The following GALNT13 variants were observed in gnomAD, a reference collection of about 807,000 sequenced individuals.
The protein encoded by GALNT13 is polypeptide N-acetylgalactosaminyltransferase 13, also known as UDP-GalNAc:polypeptide N-acetylgalactosaminyltransferase 13.
Under a neutral mutation model 64.2 loss-of-function variants are expected in GALNT13, and 28 were observed. That is an observed-to-expected ratio of 0.44 (90% CI 0.32 to 0.60). The LOEUF (loss-of-function observed/expected upper bound fraction) is 0.60. GALNT13 is among the 20% of genes least tolerant of loss of function. The pLI, the probability that GALNT13 is intolerant of heterozygous loss-of-function variation, is 0.05. For missense variants in GALNT13, 577 were observed against 669.8 expected, an observed-to-expected ratio of 0.86 and a Z score of 1.53; for synonymous variants, 214 against 224.6, an observed-to-expected ratio of 0.95 and a Z score of 0.42.
intron 9 of GALNT13, among the ~76,000 whole-genome samples, chr2:154,328,977 C>A (rs992645269): frequency 6.6e-6 from 1 of 152,018 alleles, no homozygotes; most frequent in Non-Finnish European, 1.5e-5. Context: ...CTCACAATTT[C>A]GTTCATGTTT....
the GALNT13 span, among the ~76,000 whole-genome samples, chr2:153,542,172 T>G: frequency 9.5e-4 from 144 of 151,938 alleles, no homozygotes; most frequent in South Asian, 1.9e-3. Flanking sequence ...ACAAAAAAAT[T>G]AGCCAGTCGT....
At chr2:153,145,978 A>G in the GALNT13 span, among the ~76,000 whole-genome samples, 2 of 151,776 alleles carry the variant, frequency 1.3e-5, no homozygotes, top group South Asian at 2.1e-4. Flanking sequence ...TGTGAGGTGT[A>G]TTTAGCTTCA....
At chr2:153,706,529 G>A in the GALNT13 span, among the ~76,000 whole-genome samples, 92 of 152,224 alleles carry the variant, frequency 6.0e-4, no homozygotes, top group African/African-American at 2.2e-3. Flanking sequence ...TGAAATGGAC[G>A]GAGCAAGGCC....
intron 8 of GALNT13, among the ~76,000 whole-genome samples, chr2:154,298,092 A>G (rs1693037037): frequency 6.6e-6 from 1 of 152,020 alleles, no homozygotes; most frequent in Non-Finnish European, 1.5e-5. Flanking sequence ...ATTAATAGTA[A>G]CAAGTGAGAC....
At chr2:154,099,881 A>C (rs1702260893) in intron 3 of GALNT13, among the ~76,000 whole-genome samples, 2 of 152,100 alleles carry the variant, frequency 1.3e-5, no homozygotes, top group South Asian at 4.1e-4. Flanking sequence ...TTGAGGCTGC[A>C]GTGAGCTGTG....
intron 8 of GALNT13, among the ~76,000 whole-genome samples, chr2:154,292,890 G>C (rs566925952): frequency 9.2e-5 from 14 of 152,290 alleles, no homozygotes; most frequent in Non-Finnish European, 1.3e-4. Flanking sequence ...AAATGTCACT[G>C]ATGTGGGTGC....
the GALNT13 span, among the ~76,000 whole-genome samples, chr2:153,252,939 A>C: frequency 6.6e-6 from 1 of 151,904 alleles, no homozygotes; most frequent in Non-Finnish European, 1.5e-5. Flanking sequence ...CTTAGGATTG[A>C]CTTGGCGATG....
chr2:154,339,741 C>T (rs892866152), intron 9 of GALNT13, among the ~76,000 whole-genome samples: 1 of 151,910 alleles, frequency 6.6e-6, no homozygotes. Flanking sequence ...TCCAAGGAAT[C>T]ATTTGAACAG....
the GALNT13 span, among the ~76,000 whole-genome samples, chr2:153,816,405 G>T: frequency 6.6e-6 from 1 of 152,110 alleles, no homozygotes; most frequent in African/African-American, 2.4e-5. Context: ...ATGAGAAGTG[G>T]TAAGAGATAA....
the GALNT13 span, among the ~76,000 whole-genome samples, chr2:153,726,957 C>CAA: frequency 9.9e-5 from 13 of 131,128 alleles, no homozygotes; most frequent in East Asian, 1.6e-3. Flanking sequence ...AAAAAAAAAA[C>CAA]AAAAAAAAAA....
At chr2:154,045,380 G>A (rs1699224126) in intron 3 of GALNT13, among the ~76,000 whole-genome samples, 1 of 152,166 alleles carries the variant, frequency 6.6e-6, no homozygotes, top group Non-Finnish European at 1.5e-5. Context: ...GGAAATGTAT[G>A]CTCAAATGAG....
the GALNT13 span, among the ~76,000 whole-genome samples, chr2:153,560,706 T>A: frequency 2.0e-5 from 3 of 152,186 alleles, no homozygotes; most frequent in South Asian, 6.2e-4. Flanking sequence ...AATAATACTA[T>A]GCTTTTAATT....
chr2:154,440,249 T>C (rs1701220343), intron 12 of GALNT13, among the ~76,000 whole-genome samples: 1 of 152,154 alleles, frequency 6.6e-6, no homozygotes, highest in Non-Finnish European at 1.5e-5. Context: ...ATCGTGTACA[T>C]TTTTATAAAA....
intron 9 of GALNT13, among the ~76,000 whole-genome samples, chr2:154,305,973 G>C (rs551860868): frequency 6.6e-6 from 1 of 152,172 alleles, no homozygotes; most frequent in East Asian, 1.9e-4. Context: ...TTTTAAAAGA[G>C]AGCCACATTT....
chr2:154,328,229 A>C (rs1694981471), intron 9 of GALNT13, among the ~76,000 whole-genome samples: 1 of 152,226 alleles, frequency 6.6e-6, no homozygotes, highest in African/African-American at 2.4e-5. Flanking sequence ...AGATTGTAAT[A>C]AACTTTCTTT....
At chr2:153,282,606 G>A in the GALNT13 span, among the ~76,000 whole-genome samples, 3 of 152,220 alleles carry the variant, frequency 2.0e-5, no homozygotes, top group African/African-American at 4.8e-5. Context: ...TGTAGGGATA[G>A]GGTTTCACCA....
intron 3 of GALNT13, among the ~76,000 whole-genome samples, chr2:154,067,038 G>T (rs1700504413): frequency 1.3e-5 from 2 of 152,054 alleles, no homozygotes; most frequent in Admixed American, 1.3e-4. Flanking sequence ...TTTCCTGTTT[G>T]TTTGCTTGTT....
At chr2:153,460,665 ATAAGT>A in the GALNT13 span, among the ~76,000 whole-genome samples, 2 of 152,154 alleles carry the variant, frequency 1.3e-5, no homozygotes, top group Non-Finnish European at 2.9e-5. Context: ...CATATGATTA[ATAAGT>A]TAAGATACAC....
intron 2 of GALNT13, among the ~76,000 whole-genome samples, chr2:153,908,613 AG>A (rs1688737225): frequency 6.6e-6 from 1 of 152,090 alleles, no homozygotes; most frequent in African/African-American, 2.4e-5. Flanking sequence ...GCATATGGCT[AG>A]CCTGTTATCC....
Sources: allele counts gnomAD v4.1 joint callset (sites outside exome capture counted in the v4.1 genomes callset), GRCh38; gene constraint gnomAD v4.1.1; transcripts MANE v1.5; gene names NCBI Gene and HGNC (gene_info 2026-07-23, HGNC 2026-07-21).